ARL5C: variants seen among roughly 807,000 people sequenced by gnomAD.
ARL5C encodes the protein putative ADP-ribosylation factor-like protein 5C.
In ARL5C, 21 loss-of-function variants were observed where a neutral mutation model predicts 20.8. The observed-to-expected ratio is 1.01, with a 90% CI of 0.72 to 1.46. ARL5C has a LOEUF of 1.46. Ranked by LOEUF, ARL5C falls within the 40% of genes most tolerant of loss-of-function variation. The probability of loss-of-function intolerance (pLI) is 0.00; values close to 1 mark genes in which losing one functional copy is unlikely to be tolerated. For missense variants in ARL5C, 199 were observed against 225.1 expected (o/e 0.88, Z 0.74); for synonymous variants, 71 against 81.6 (o/e 0.87, Z 0.70).
intron 5 of ARL5C, among the ~76,000 whole-genome samples, chr17:39,159,197 GTTTT>G (rs35119781): frequency 3.1e-5 from 3 of 97,312 alleles, no homozygotes; most frequent in Non-Finnish European, 6.1e-5. Flanking sequence ...ACATCCAGCG[GTTTT>G]TTTTTTTTTT....
intron 3 of ARL5C, among the ~76,000 whole-genome samples, chr17:39,161,706 G>T (rs1348871305): frequency 6.6e-6 from 1 of 152,002 alleles, no homozygotes; most frequent in Non-Finnish European, 1.5e-5. Context: ...TAGAGACGGG[G>T]TTTCGCCATG....
intron 5 of ARL5C, among the ~76,000 whole-genome samples, chr17:39,157,937 C>CAAAA (rs71141772): frequency 5.2e-4 from 73 of 139,384 alleles, no homozygotes; most frequent in African/African-American, 1.9e-3. Context: ...ACTAAAAATA[C>CAAAA]AAAAAAAAAA....
intron 2 of ARL5C, among the ~76,000 whole-genome samples, chr17:39,163,701 CTT>C (rs59010635): frequency 0.23 from 30,521 of 130,796 alleles, 4,167 homozygotes; most frequent in African/African-American, 0.41. Flanking sequence ...CACAGTTTTG[CTT>C]TTTTTTTTTT....
intron 5 of ARL5C, among the ~76,000 whole-genome samples, chr17:39,159,019 C>CTGGT (rs2045420492): frequency 1.6e-5 from 1 of 63,960 alleles, no homozygotes; most frequent in African/African-American, 5.6e-5. Flanking sequence ...TCATTTATCA[C>CTGGT]TTGTTTTTTT....
At chr17:39,163,420 CTT>C (rs1175819587) in intron 2 of ARL5C, among the ~76,000 whole-genome samples, 2 of 116,528 alleles carry the variant, frequency 1.7e-5, no homozygotes, top group Non-Finnish European at 3.8e-5. Flanking sequence ...CTCTCTCTCT[CTT>C]TCTTTCTTTC....
At position 39,156,946 on chromosome 17, in the gene ARL5C, C is replaced by A. The variant is rs1171653608; in HGVS notation, c.492-4G>T. On this transcript the variant is annotated splice_region_variant and splice_polypyrimidine_tract_variant and intron_variant, in intron 5 of 5. Transcript: ENST00000269586. ...CCACTGAAGTCTGGCAGGCAGCCTG[C>A]AGGGAGGAAGGAACAGGAGGGGTCA... The A allele has an allele frequency of 1.3e-6, 2 of 1,551,692 alleles. No individual in the cohort carries two copies. Among genetic ancestry groups the A allele is most frequent in the East Asian group, 2.4e-5 (1 of 41,072 alleles).
rs1567779703 is a variant in ARL5C at position 39,158,092 on chromosome 17, C to CAG, written c.492-1151_492-1150insCT. Among the ~76,000 whole-genome samples, 46 of 124,730 alleles carry CAG rather than the reference C, an allele frequency of 3.7e-4. No homozygotes were observed. The East Asian group carries it at 0.011, about 30-fold the overall frequency. The allele number at this position is 124,730 out of a possible 152,430, so 81.8% of individuals were successfully genotyped here. ...CAGCCTGGGCAACAGAGCAAGTGGC[C>CAG]GTCGAAGAAAGGGAAGGAGGGAGGG... On this transcript the variant is annotated intron_variant, in intron 5 of 5. Coordinates refer to ENST00000269586, the MANE Select transcript of ARL5C (RefSeq NM_001143968.1).
At chr17:39,157,484 G>T (rs559474073) in intron 5 of ARL5C, among the ~76,000 whole-genome samples, 1 of 152,158 alleles carries the variant, frequency 6.6e-6, no homozygotes, top group African/African-American at 2.4e-5. Flanking sequence ...GGGAACATGG[G>T]GGGTACTTAG....
chr17:39,159,748 A>G lies in ARL5C; in HGVS notation c.491+843T>C, dbSNP rs79793978. On this transcript the variant is annotated intron_variant, in intron 5 of 5. Transcript: ENST00000269586. ...GTACCTGGCACAAAGGAGGTGCTCA[A>G]GAAAGATTTGTGTACTGAATGGTGT... is the stretch of plus-strand genomic sequence containing the variant. Among the ~76,000 whole-genome samples the G allele has an allele frequency of 4.8e-3, 738 of 152,312 alleles. 40 individuals are homozygous for G. The East Asian group carries it at 0.098, about 20-fold the overall frequency.
Position 39,160,707 on chromosome 17 carries a change from A to T in ARL5C, c.375T>A (p.Asn125Lys), listed in dbSNP as rs2045429945. 1.3e-6 allele frequency: 2 copies of T among 1,551,628 alleles called. No individual in the cohort carries two copies. Among genetic ancestry groups the T allele is most frequent in the Non-Finnish European group, 1.7e-6 (2 of 1,146,988 alleles). ...LQDASVLIFA[N>K]KQDVKDSMRM... ...TCATGGAGTCCTTCACGTCCTGCTT[A>T]TTGGCAAATATCAGGACTGAAGCAT... Residue 125 changes from asparagine to lysine, a missense_variant, in exon 5 of 6, where the codon AAT becomes AAA. By Grantham distance (94) the Asn-to-Lys change is moderately conservative. Coordinates refer to ENST00000269586, the MANE Select transcript of ARL5C (RefSeq NM_001143968.1).
At chr17:39,164,833 G>A (rs2045454531) in intron 2 of ARL5C, 4 of 455,134 alleles carry the variant, frequency 8.8e-6, no homozygotes, top group Non-Finnish European at 1.2e-5. Context: ...CCTGGAGCTG[G>A]GTTTGGCAGG....
chr17:39,159,521 T>C (rs563274120), intron 5 of ARL5C, among the ~76,000 whole-genome samples: 446 of 152,204 alleles, frequency 2.9e-3, no homozygotes, highest in African/African-American at 0.01. Flanking sequence ...GGTCTCGAAC[T>C]CCCGACCTTG....
Position 39,165,107 on chromosome 17 carries a change from C to A in ARL5C, c.79G>T (p.Glu27Ter). ...CGGTAGAGAATGGTGGTCTTTCCTT[C>A]ATTGTCCAGTCCCACGATGATGACC... ...HTVIIVGLDNEGKTTILYRFL... is the reference protein window; with the variant it reads ...HTVIIVGLDN The change falls in exon 2 of 6, where the codon GAA becomes TAA. Residue 27 changes from glutamate (E) to a stop codon, truncating the protein, a stop_gained. Coordinates refer to ENST00000269586, the MANE Select transcript of ARL5C (RefSeq NM_001143968.1). LOFTEE classifies it high-confidence loss of function. 6.4e-7 allele frequency: 1 copy of A among 1,551,728 alleles called. No homozygotes were observed.
At chr17:39,162,196 C>T (rs751570998) in intron 3 of ARL5C, among the ~76,000 whole-genome samples, 17 of 152,220 alleles carry the variant, frequency 1.1e-4, no homozygotes, top group Non-Finnish European at 2.4e-4. Context: ...AACACGTTAA[C>T]AGGCAGGCAC....
At chr17:39,159,824 T>A (rs609529) in intron 5 of ARL5C, among the ~76,000 whole-genome samples, 26,424 of 152,130 alleles carry the variant, frequency 0.17, 4,041 homozygotes, top group African/African-American at 0.41. Flanking sequence ...TTCCTTACAG[T>A]TAAGAAACTG....
At chr17:39,161,800 G>A (rs566220004) in intron 3 of ARL5C, among the ~76,000 whole-genome samples, 1 of 152,218 alleles carries the variant, frequency 6.6e-6, no homozygotes, top group South Asian at 2.1e-4. Flanking sequence ...CACCAGGTGT[G>A]CTGCCACACC....
intron 5 of ARL5C, among the ~76,000 whole-genome samples, chr17:39,158,581 C>A (rs139560898): frequency 1.3e-5 from 2 of 151,276 alleles, no homozygotes; most frequent in African/African-American, 4.9e-5. Flanking sequence ...CAACTGTACT[C>A]CAGCCTGGGG....
intron 5 of ARL5C, among the ~76,000 whole-genome samples, chr17:39,157,150 CCT>C (rs2045409462): frequency 2.0e-5 from 3 of 152,144 alleles, no homozygotes; most frequent in South Asian, 2.1e-4. Context: ...CAGACATGCC[CCT>C]GAGGCTTACT....
chr17:39,160,888 A>G, intron 4 of ARL5C, 146 bp from the exon 5 acceptor site: 1 of 901,904 alleles, frequency 1.1e-6, no homozygotes, highest in East Asian at 2.7e-5. Context: ...GGGCCCTGCC[A>G]CAATGGTAGC....
Sources: allele counts gnomAD v4.1 joint callset (sites outside exome capture counted in the v4.1 genomes callset), GRCh38; gene constraint gnomAD v4.1.1; transcripts MANE v1.5; gene names NCBI Gene and HGNC (gene_info 2026-07-23, HGNC 2026-07-21).